The following PHKA2 variants were observed in gnomAD, a reference collection of about 807,000 sequenced individuals.
The protein encoded by PHKA2 is phosphorylase b kinase regulatory subunit alpha, liver isoform.
PHKA2 carries 31 observed loss-of-function variants against 102.0 expected under a neutral mutation model. The ratio of observed to expected loss-of-function variants is 0.30; its 90% confidence interval spans 0.23 to 0.41. PHKA2 has a LOEUF of 0.41. Among genes scored for constraint, PHKA2 ranks in the 10% least tolerant of loss-of-function variants. The probability of loss-of-function intolerance (pLI) is 1.00; values close to 1 mark genes in which losing one functional copy is unlikely to be tolerated. For synonymous variants in PHKA2, 455 were observed against 416.2 expected (o/e 1.09, Z -1.13); for missense variants, 858 against 1,023.1 (o/e 0.84, Z 2.20).
intron 31 of PHKA2, 83 bp from the exon 32 acceptor site, chrX:18,894,487 C>G (rs1233667602): frequency 3.3e-5 from 28 of 854,097 alleles, no homozygotes; most frequent in Non-Finnish European, 4.3e-5. Context: ...CAAGGGTGAC[C>G]GTAGCAGTGC....
At chrX:18,967,512 G>C (rs2048961727) in intron 1 of PHKA2, among the ~76,000 whole-genome samples, 1 of 109,045 alleles carries the variant, frequency 9.2e-6, no homozygotes, top group Non-Finnish European at 1.9e-5. Context: ...CGGTGGCTTC[G>C]ATGAGGGTGG....
At chrX:18,902,278 GGT>G (rs2047702049) in intron 26 of PHKA2, among the ~76,000 whole-genome samples, 2 of 109,690 alleles carry the variant, frequency 1.8e-5, no homozygotes, top group African/African-American at 6.6e-5. Context: ...TAGGACCACA[GGT>G]GTGCGCCACC....
intron 16 of PHKA2, 104 bp downstream of exon 16, chrX:18,924,276 GC>G: frequency 1.0e-6 from 1 of 985,897 alleles, no homozygotes; most frequent in South Asian, 1.9e-5. Context: ...CTGCTAAGAA[GC>G]CCCTTCAGTG....
chrX:18,911,039 T>C, intron 19 of PHKA2, 79 bp from the exon 20 acceptor site: 1 of 617,594 alleles, frequency 1.6e-6, no homozygotes, highest in South Asian at 2.2e-5. Context: ...AGAATCTCAC[T>C]CTGTCACCCA....
At chrX:18,899,794 C>G (rs1193877349) in intron 28 of PHKA2, among the ~76,000 whole-genome samples, 1 of 112,109 alleles carries the variant, frequency 8.9e-6, no homozygotes, top group Non-Finnish European at 1.9e-5. Flanking sequence ...ACAAAAGAGA[C>G]TAGAGATTGA....
In PHKA2 at chrX:18,901,557, G is replaced by A. The variant is rs756867410; in HGVS notation, c.2955C>T (p.His985=). Residue 985 remains histidine, a synonymous_variant, in exon 27 of 33, where the codon CAC becomes CAT. Transcript: ENST00000379942. The part of the protein sequence containing the change: ...SSTSSPTISI[H]EVGHTGVTKT... ...TGGTGACTCCGGTATGGCCCACCTC[G>A]TGGATGGAGATGGTAGGGCTGGATG... 8 of 1,202,881 alleles carry A rather than the reference G, an allele frequency of 6.7e-6. No individual in the cohort carries two copies. The highest frequency in any genetic ancestry group is 1.8e-5 in the African/African-American group (1 of 56,282).
In PHKA2 at chrX:18,918,679, A is replaced by T. The variant is rs1283146392; in HGVS notation, c.2137+2T>A. ...ACAGGCAGAAAAGAGTTAATAACAT[A>T]CATGGAACTTCCAAACCCTTTGCTT... On this transcript the variant is annotated splice_donor_variant, in intron 19 of 32. Transcript: ENST00000379942. LOFTEE classifies it high-confidence loss of function. 8.3e-7 allele frequency: 1 copy of T among 1,203,415 alleles called. No homozygotes were observed. The highest frequency in any genetic ancestry group is 1.1e-6 in the Non-Finnish European group (1 of 887,689).
intron 5 of PHKA2, among the ~76,000 whole-genome samples, chrX:18,946,207 T>C (rs531704509): frequency 9.0e-6 from 1 of 111,121 alleles, no homozygotes; most frequent in African/African-American, 3.3e-5. Context: ...GGATTACAGG[T>C]ATGAGCCACC....
chrX:18,955,374 GTTT>G (rs35875518), intron 1 of PHKA2, among the ~76,000 whole-genome samples: 1 of 90,286 alleles, frequency 1.1e-5, no homozygotes. Flanking sequence ...GCTGCTAGTA[GTTT>G]TTTTTTTTTT....
At chrX:18,972,146 C>T (rs1449952754) in intron 1 of PHKA2, among the ~76,000 whole-genome samples, 1 of 112,318 alleles carries the variant, frequency 8.9e-6, no homozygotes, top group Admixed American at 9.4e-5. Context: ...TTCTTGTGCA[C>T]GGTCTAAGAG....
Position 18,908,054 on chromosome X carries a change from C to T in PHKA2, c.2363G>A (p.Gly788Asp), listed in dbSNP as rs745632316. Reference sequence around the variant, plus strand: ...AGAGAGATTTGTGTCCCAGCTGGGACCCCTGCCAAGAGGTAGAAAAACCCA... The same window carrying T: ...AGAGAGATTTGTGTCCCAGCTGGGATCCCTGCCAAGAGGTAGAAAAACCCA... ...DILYILYVIKGPSWDTNLSGQ... is the reference protein window; with the variant it reads ...DILYILYVIKDPSWDTNLSGQ... The change falls in exon 22 of 33, where the codon GGT becomes GAT. Residue 788 changes from glycine to aspartate, a missense_variant and splice_region_variant. By Grantham distance (94) the Gly-to-Asp change is moderately conservative. Around this residue, in one of 2 missense-constraint regions of PHKA2, gnomAD observed 671 missense variants for 745.2 expected, o/e 0.90. Transcript: ENST00000379942. 1.7e-6 allele frequency: 2 copies of T among 1,208,603 alleles called. No homozygotes were observed. Among genetic ancestry groups the T allele is most frequent in the South Asian group, 1.8e-5 (1 of 56,763 alleles).
chrX:18,913,563 G>A (rs1387550579), intron 19 of PHKA2, among the ~76,000 whole-genome samples: 2 of 108,974 alleles, frequency 1.8e-5, no homozygotes, highest in Non-Finnish European at 3.8e-5. Context: ...GTGCCTCCAC[G>A]CCCAGCTAAT....
intron 14 of PHKA2, among the ~76,000 whole-genome samples, chrX:18,926,241 G>A (rs1311516103): frequency 3.6e-5 from 4 of 112,577 alleles, no homozygotes; most frequent in Admixed American, 1.9e-4. Context: ...CAGATCCGGC[G>A]AATGCTTGGC....
chrX:18,979,783 T>C (rs2049144330), intron 1 of PHKA2, among the ~76,000 whole-genome samples: 1 of 110,853 alleles, frequency 9.0e-6, no homozygotes, highest in African/African-American at 3.2e-5. Flanking sequence ...TAACTAATAA[T>C]TTAATTTAAT....
chrX:18,948,329 C>T (rs1388058062), intron 5 of PHKA2, among the ~76,000 whole-genome samples: 1 of 110,080 alleles, frequency 9.1e-6, no homozygotes, highest in African/African-American at 3.3e-5. Flanking sequence ...CAAACATTAG[C>T]GGGGAGTGGT....
In PHKA2 at chrX:18,925,782, T is replaced by G. The variant is rs1409969328; in HGVS notation, c.1460-5A>C. 9.0e-7 allele frequency: 1 copy of G among 1,117,247 alleles called. No homozygotes were observed. Among genetic ancestry groups the G allele is most frequent in the African/African-American group, 1.8e-5 (1 of 55,410 alleles). 92.1% of individuals were successfully genotyped at this position (1,117,247 alleles called of 1,213,427 possible). A position where few individuals can be genotyped will look rare whatever the true frequency, so the allele number is the denominator to read the frequency against. On this transcript the variant is annotated splice_polypyrimidine_tract_variant and splice_region_variant and intron_variant, in intron 14 of 32. Coordinates refer to ENST00000379942, the MANE Select transcript of PHKA2 (RefSeq NM_000292.3). Reference sequence around the variant, plus strand: ...AATTCATATTCTTATTCCGTCCTGTTTGAGAAGTAAAAGATAAATTGGAGT... The same window carrying G: ...AATTCATATTCTTATTCCGTCCTGTGTGAGAAGTAAAAGATAAATTGGAGT...
At chrX:18,924,345 G>C in intron 16 of PHKA2, 36 bp downstream of exon 16, 1 of 1,202,890 alleles carries the variant, frequency 8.3e-7, no homozygotes, top group Non-Finnish European at 1.1e-6. Context: ...ACCACCCCTG[G>C]GGCAGGAGGG....
chrX:18,916,489 T>C lies in PHKA2; in HGVS notation c.2137+2192A>G, dbSNP rs184549554. Among the ~76,000 whole-genome samples the C allele has an allele frequency of 4.5e-4, 50 of 112,205 alleles. 1 individual carries two copies. The highest frequency in any genetic ancestry group is 1.6e-3 in the African/African-American group (49 of 30,921). On this transcript the variant is annotated intron_variant, in intron 19 of 32. Coordinates refer to ENST00000379942, the MANE Select transcript of PHKA2 (RefSeq NM_000292.3). ...ATGGTTTGAATGTCTCACTCAAATC[T>C]CATGTTGAAATGTAATCCCCAGTGT...
At chrX:18,975,967 C>CTTTT (rs200764030) in intron 1 of PHKA2, among the ~76,000 whole-genome samples, 29 of 62,975 alleles carry the variant, frequency 4.6e-4, no homozygotes, top group African/African-American at 5.5e-4. Flanking sequence ...AAGTCAAATT[C>CTTTT]TTTTTTTTTT....
Sources: gnomAD v4.1 joint callset for allele counts (sites outside exome capture counted in the v4.1 genomes callset) on GRCh38, gnomAD v4.1.1 for gene constraint, gnomAD v4.1.1 regional missense constraint, MANE v1.5 for transcripts, NCBI Gene and HGNC (gene_info 2026-07-23, HGNC 2026-07-21) for gene names.